MAP2K5: variants seen among roughly 807,000 people sequenced by gnomAD.
MAP2K5 encodes dual specificity mitogen-activated protein kinase kinase 5.
In MAP2K5, 49 loss-of-function variants were observed where a neutral mutation model predicts 83.1. The observed-to-expected ratio is 0.59, with a 90% CI of 0.47 to 0.75. The LOEUF (loss-of-function observed/expected upper bound fraction) is 0.75. Among genes scored for constraint, MAP2K5 ranks in the 30% least tolerant of loss-of-function variants. MAP2K5 has a pLI of 0.00. For missense variants in MAP2K5, 457 were observed against 557.5 expected (o/e 0.82, Z 1.82); for synonymous variants, 202 against 191.8 (o/e 1.05, Z -0.44).
intron 21 of MAP2K5, among the ~76,000 whole-genome samples, chr15:67,776,617 A>G (rs1280790441): frequency 6.6e-6 from 1 of 152,148 alleles, no homozygotes; most frequent in African/African-American, 2.4e-5. Context: ...GACAAAGACA[A>G]CCTAAGATGA....
intron 16 of MAP2K5, among the ~76,000 whole-genome samples, chr15:67,723,986 G>A (rs1313600190): frequency 6.6e-6 from 1 of 152,088 alleles, no homozygotes; most frequent in Non-Finnish European, 1.5e-5. Context: ...AAAATACAGT[G>A]CAACTCATAA....
Position 67,760,351 on chromosome 15 carries a change from A to G in MAP2K5, c.1135-9251A>G, listed in dbSNP as rs963262113. Among the ~76,000 whole-genome samples the G allele has an allele frequency of 1.3e-5, 2 of 152,232 alleles. No homozygotes were observed. The highest frequency in any genetic ancestry group is 4.8e-5 in the African/African-American group (2 of 41,470). On this transcript the variant is annotated intron_variant, in intron 19 of 21. Coordinates refer to ENST00000178640, the MANE Select transcript of MAP2K5 (RefSeq NM_145160.3). The surrounding 1 kb of genome is among the most constrained non-coding windows in gnomAD (Gnocchi z 4.1). ...CAAGTTATAAGAAAATTTTTTCCTC[A>G]TAGTCTGAAGGATGTACAAAGTCAC...
intron 3 of MAP2K5, among the ~76,000 whole-genome samples, chr15:67,569,513 T>C (rs550639794): frequency 2.0e-4 from 30 of 152,264 alleles, no homozygotes; most frequent in Non-Finnish European, 2.8e-4. Context: ...AGAAAACTTT[T>C]TTCCAGAGAC....
intron 19 of MAP2K5, among the ~76,000 whole-genome samples, chr15:67,756,514 A>AGTGTGT (rs1566953852): frequency 0.021 from 2,067 of 97,868 alleles, 28 homozygotes; most frequent in South Asian, 0.057. Context: ...ACACACAGTT[A>AGTGTGT]CTGTGTGTGT....
chr15:67,727,709 A>T (rs566835305), intron 16 of MAP2K5, among the ~76,000 whole-genome samples: 2 of 152,362 alleles, frequency 1.3e-5, no homozygotes, highest in East Asian at 1.9e-4. Context: ...AAAATATTTT[A>T]TCAGGGGTGC....
In MAP2K5 at chr15:67,801,137, G is replaced by A. The variant is rs2090699163; in HGVS notation, c.1243-5509G>A. 6.6e-6 allele frequency among the ~76,000 whole-genome samples: 1 copy of A among 152,146 alleles called. No homozygotes were observed. ...CCTAACACTCCATTAGTGTGAGAAGGGACAGAAGTGTTATCACAGCCAAGC... is the reference window on the plus strand; with the variant it reads ...CCTAACACTCCATTAGTGTGAGAAGAGACAGAAGTGTTATCACAGCCAAGC... On this transcript the variant is annotated intron_variant, in intron 21 of 21. Transcript: ENST00000178640. The surrounding 1 kb of genome is among the most constrained non-coding windows in gnomAD (Gnocchi z 4.8).
chr15:67,793,307 C>T lies in MAP2K5; in HGVS notation c.1243-13339C>T, dbSNP rs943752429. ...TAAAAAAAAACAAAAAATTCTTTAG[C>T]TCATTATTATGGACATTGTCTATTT... On this transcript the variant is annotated intron_variant, in intron 21 of 21. Transcript: ENST00000178640. The surrounding 1 kb of genome is among the most constrained non-coding windows in gnomAD (Gnocchi z 4.6). 1.1e-4 allele frequency among the ~76,000 whole-genome samples: 16 copies of T among 152,292 alleles called. No individual in the cohort carries two copies. Among genetic ancestry groups the T allele is most frequent in the Middle Eastern group, 3.4e-3 (1 of 294 alleles).
At chr15:67,686,684 T>G (rs2087965354) in intron 13 of MAP2K5, among the ~76,000 whole-genome samples, 1 of 151,930 alleles carries the variant, frequency 6.6e-6, no homozygotes, top group Admixed American at 6.6e-5. Flanking sequence ...GAAGCAAAAC[T>G]AATGTATAAT....
intron 21 of MAP2K5, among the ~76,000 whole-genome samples, chr15:67,773,993 A>G (rs2090190175): frequency 6.6e-6 from 1 of 152,236 alleles, no homozygotes; most frequent in Non-Finnish European, 1.5e-5. Flanking sequence ...TGCATGTTTC[A>G]ATGCTGCAAT....
At chr15:67,656,803 TAGGTCTAACA>T (rs2141137870) in intron 11 of MAP2K5, among the ~76,000 whole-genome samples, 1 of 152,296 alleles carries the variant, frequency 6.6e-6, no homozygotes, top group African/African-American at 2.4e-5. Context: ...TAATGTTTGA[TAGGTCTAACA>T]GTTGCCATTT....
intron 9 of MAP2K5, chr15:67,641,623 T>C (rs2086712218): frequency 3.0e-6 from 3 of 992,234 alleles, no homozygotes; most frequent in Non-Finnish European, 3.6e-6. Flanking sequence ...TTATTTGTCC[T>C]GGAGGTGTAG....
chr15:67,695,259 T>C (rs1261667219), intron 15 of MAP2K5, among the ~76,000 whole-genome samples: 1 of 151,920 alleles, frequency 6.6e-6, no homozygotes, highest in Non-Finnish European at 1.5e-5. Flanking sequence ...TAAAGTATAA[T>C]GATAATAAAT....
In MAP2K5 at chr15:67,789,183, T is replaced by G. The variant is rs371839540; in HGVS notation, c.1242+16431T>G. Among the ~76,000 whole-genome samples the G allele has an allele frequency of 8.4e-4, 128 of 152,326 alleles. 2 individuals carry two copies. The highest frequency in any genetic ancestry group is 6.8e-3 in the Middle Eastern group (2 of 294). On this transcript the variant is annotated intron_variant, in intron 21 of 21. Transcript: ENST00000178640. ...GAGGTCTTTCCATATAATATAAAGA[T>G]CAACCTTATTCTTAATGGCTGTATA...
chr15:67,560,558 T>C (rs1384805212), intron 2 of MAP2K5, among the ~76,000 whole-genome samples: 1 of 152,266 alleles, frequency 6.6e-6, no homozygotes, highest in African/African-American at 2.4e-5. Flanking sequence ...AATCTTCTTT[T>C]GGAGTCAGAC....
rs1021862150 is a variant in MAP2K5, at chr15:67,638,814, A to T, written c.586-7417A>T. ...ATTGTGGTTTTGATTTACGTTTCTC[A>T]AATGATCAGTGATGTTGAGCGTTTT... On this transcript the variant is annotated intron_variant, in intron 9 of 21. Transcript: ENST00000178640. The surrounding 1 kb of genome is among the most constrained non-coding windows in gnomAD (Gnocchi z 4.5). 3.3e-5 allele frequency among the ~76,000 whole-genome samples: 5 copies of T among 152,114 alleles called. No homozygotes were observed. The highest frequency in any genetic ancestry group is 1.3e-4 in the Admixed American group (2 of 15,278).
intron 13 of MAP2K5, among the ~76,000 whole-genome samples, chr15:67,682,328 T>A (rs1596786076): frequency 6.6e-6 from 1 of 152,014 alleles, no homozygotes; most frequent in Non-Finnish European, 1.5e-5. Context: ...GCGATTCTCC[T>A]GCCTCAGCCC....
chr15:67,583,619 G>A (rs910847162), intron 4 of MAP2K5, among the ~76,000 whole-genome samples: 1 of 152,090 alleles, frequency 6.6e-6, no homozygotes, highest in Non-Finnish European at 1.5e-5. Context: ...GACATACTGG[G>A]TATATTTCCT....
In MAP2K5 at chr15:67,568,333, C is replaced by G. The variant is rs533125669; in HGVS notation, c.252+4983C>G. On this transcript the variant is annotated intron_variant, in intron 3 of 21. Coordinates refer to ENST00000178640, the MANE Select transcript of MAP2K5 (RefSeq NM_145160.3). The stretch of plus-strand genomic sequence containing the variant: ...GAAAAATACTTTTTGACCTGTGGAG[C>G]ACCTTATAAATTGGGATATGATTGG... Among the ~76,000 whole-genome samples the G allele has an allele frequency of 2.6e-5, 4 of 152,306 alleles. No individual in the cohort carries two copies. In the South Asian group the frequency reaches 8.3e-4, roughly 32 times the overall value.
intron 13 of MAP2K5, among the ~76,000 whole-genome samples, chr15:67,667,026 C>T (rs1273586633): frequency 6.6e-6 from 1 of 152,172 alleles, no homozygotes; most frequent in Non-Finnish European, 1.5e-5. Context: ...GAAACTTTTA[C>T]CTTCTGGACT....
Sources: gnomAD v4.1 joint callset for allele counts (sites outside exome capture counted in the v4.1 genomes callset) on GRCh38, gnomAD v4.1.1 for gene constraint, Gnocchi (gnomAD v3.1) non-coding constraint, MANE v1.5 for transcripts, NCBI Gene and HGNC (gene_info 2026-07-23, HGNC 2026-07-21) for gene names.